NTM: variants seen among roughly 807,000 people sequenced by gnomAD.
NTM encodes IgLON family member 2.
Under a neutral mutation model 42.1 loss-of-function variants are expected in NTM, and 13 were observed. That is an observed-to-expected ratio of 0.31 (90% CI 0.20 to 0.49). NTM has a LOEUF of 0.49. Among genes scored for constraint, NTM ranks in the 20% least tolerant of loss-of-function variants. NTM has a pLI of 0.99. For synonymous variants in NTM, 187 were observed against 179.2 expected (o/e 1.04, Z -0.35); for missense variants, 373 against 452.8 (o/e 0.82, Z 1.60).
chr11:131,394,057 T>C (rs544681264), intron 1 of NTM, among the ~76,000 whole-genome samples: 29 of 152,352 alleles, frequency 1.9e-4, no homozygotes, highest in African/African-American at 5.8e-4. Context: ...TTGCAACTAA[T>C]AGGATATGAA....
At chr11:131,507,405 C>T in intron 1 of NTM, among the ~76,000 whole-genome samples, 1 of 151,360 alleles carries the variant, frequency 6.6e-6, no homozygotes, top group South Asian at 2.1e-4. Context: ...TGTTCTGTTC[C>T]ATTGATCTAT....
intron 4 of NTM, among the ~76,000 whole-genome samples, chr11:132,293,249 T>C (rs781181949): frequency 1.6e-4 from 25 of 152,102 alleles, no homozygotes; most frequent in Non-Finnish European, 2.5e-4. Context: ...GCCTTAAAGA[T>C]GTAAGGTTTG....
intron 1 of NTM, among the ~76,000 whole-genome samples, chr11:131,386,963 A>G (rs1418782751): frequency 6.6e-6 from 1 of 152,200 alleles, no homozygotes; most frequent in South Asian, 2.1e-4. Flanking sequence ...AATTAAAAAG[A>G]TATGTTTTTA....
intron 1 of NTM, among the ~76,000 whole-genome samples, chr11:131,735,798 C>T (rs2080337735): frequency 6.7e-6 from 1 of 150,232 alleles, no homozygotes; most frequent in South Asian, 2.1e-4. Context: ...GAGTGGGAGT[C>T]AGAAGCCTGT....
At chr11:132,082,612 C>G in intron 2 of NTM, among the ~76,000 whole-genome samples, 1 of 152,174 alleles carries the variant, frequency 6.6e-6, no homozygotes, top group Admixed American at 6.5e-5. Flanking sequence ...CCCTATTTGC[C>G]TAGGCATTTG....
At chr11:131,661,974 GA>G (rs1162825518) in intron 1 of NTM, among the ~76,000 whole-genome samples, 7 of 152,048 alleles carry the variant, frequency 4.6e-5, no homozygotes, top group African/African-American at 1.7e-4. Context: ...GAGATTAACA[GA>G]ATGAAGTGGG....
At chr11:131,858,069 T>A (rs1006213467) in intron 1 of NTM, among the ~76,000 whole-genome samples, 1 of 151,872 alleles carries the variant, frequency 6.6e-6, no homozygotes, top group African/African-American at 2.4e-5. Context: ...CTTTCCAGTC[T>A]ACATTTTATC....
chr11:131,973,170 G>A (rs1004666529), intron 2 of NTM, among the ~76,000 whole-genome samples: 2 of 152,220 alleles, frequency 1.3e-5, no homozygotes, highest in African/African-American at 4.8e-5. Flanking sequence ...CACCAGGGAT[G>A]ACTGCGCACA....
chr11:132,088,241 A>G (rs2059971551), intron 2 of NTM, among the ~76,000 whole-genome samples: 1 of 152,144 alleles, frequency 6.6e-6, no homozygotes, highest in Non-Finnish European at 1.5e-5. Context: ...CCTGAGAGTG[A>G]GTGGGGTGGG....
At chr11:132,237,640 C>T (rs2089286122) in intron 4 of NTM, among the ~76,000 whole-genome samples, 2 of 152,112 alleles carry the variant, frequency 1.3e-5, no homozygotes, top group African/African-American at 2.4e-5. Context: ...AGGTGGGGTG[C>T]GTCCCAATGC....
At chr11:131,530,168 C>G (rs1187498330) in intron 1 of NTM, among the ~76,000 whole-genome samples, 1 of 152,126 alleles carries the variant, frequency 6.6e-6, no homozygotes, top group Non-Finnish European at 1.5e-5. Context: ...ACAGTGTCCC[C>G]TTCATCTGAG....
chr11:131,523,294 C>T (rs143232927), intron 1 of NTM, among the ~76,000 whole-genome samples: 1 of 152,262 alleles, frequency 6.6e-6, no homozygotes, highest in East Asian at 1.9e-4. Flanking sequence ...AGGTGGGTTT[C>T]GAGAATGGCT....
intron 1 of NTM, among the ~76,000 whole-genome samples, chr11:131,799,231 C>T (rs1458207134): frequency 1.3e-5 from 2 of 152,246 alleles, no homozygotes; most frequent in Admixed American, 6.5e-5. Context: ...TAGGCTCATC[C>T]TATATGATCC....
rs183532141 is a variant in NTM at position 131,447,508 on chromosome 11, A to G, written c.82+76620A>G. Among the ~76,000 whole-genome samples the G allele has an allele frequency of 2.8e-3, 421 of 152,216 alleles. 1 individual carries two copies. The highest frequency in any genetic ancestry group is 9.4e-3 in the African/African-American group (390 of 41,542). On this transcript the variant is annotated intron_variant, in intron 1 of 8. Transcript: ENST00000683400. ...ATCAATTCCTAATCCCCACATTAGC[A>G]CTGATTCATCTCTTTCCTGAGCTCT...
intron 1 of NTM, among the ~76,000 whole-genome samples, chr11:131,655,428 G>C (rs1319704151): frequency 6.6e-6 from 1 of 152,070 alleles, no homozygotes; most frequent in Non-Finnish European, 1.5e-5. Flanking sequence ...TTCCTTTTTG[G>C]CAACACCTCA....
At chr11:132,230,475 A>G (rs1010867667) in intron 4 of NTM, among the ~76,000 whole-genome samples, 1 of 152,340 alleles carries the variant, frequency 6.6e-6, no homozygotes, top group East Asian at 1.9e-4. Flanking sequence ...CGGCATCAGC[A>G]GCTGTCTTTT....
At chr11:132,087,304 G>T (rs144171970) in intron 2 of NTM, among the ~76,000 whole-genome samples, 1 of 152,132 alleles carries the variant, frequency 6.6e-6, no homozygotes, top group Non-Finnish European at 1.5e-5. Context: ...GAGTTTCCTA[G>T]ACCTCATTTA....
intron 1 of NTM, among the ~76,000 whole-genome samples, chr11:131,422,474 C>T (rs761220490): frequency 6.6e-5 from 10 of 152,218 alleles, no homozygotes; most frequent in Middle Eastern, 3.4e-3. Flanking sequence ...TTTGATCAGG[C>T]GCAAATTAAG....
At chr11:131,543,066 A>AAC (rs1237741203) in intron 1 of NTM, among the ~76,000 whole-genome samples, 4 of 152,186 alleles carry the variant, frequency 2.6e-5, no homozygotes, top group Middle Eastern at 3.2e-3. Context: ...GCTGAGGATG[A>AAC]ACACGTGACT....
Sources: gnomAD v4.1 joint callset for allele counts (sites outside exome capture counted in the v4.1 genomes callset) on GRCh38, gnomAD v4.1.1 for gene constraint, MANE v1.5 for transcripts, NCBI Gene and HGNC (gene_info 2026-07-23, HGNC 2026-07-21) for gene names.